The following SUSD1 variants were observed in gnomAD, a reference collection of about 807,000 sequenced individuals.
SUSD1 encodes sushi domain containing 1.
A neutral mutation model predicts 86.9 loss-of-function variants in SUSD1; 65 were observed. The ratio of observed to expected loss-of-function variants is 0.75; its 90% CI spans 0.61 to 0.92. The LOEUF (loss-of-function observed/expected upper bound fraction) is 0.92, where lower values mean the gene tolerates loss of function less well. Ranked by LOEUF, SUSD1 falls within the 40% of genes least tolerant of loss-of-function variation. SUSD1 has a pLI of 0.00. For missense variants in SUSD1, 850 were observed against 929.7 expected (o/e 0.91, Z 1.11); for synonymous variants, 346 against 350.0 (o/e 0.99, Z 0.13).
In SUSD1 at chr9:112,175,075, C is replaced by T. The variant is rs1326977410; in HGVS notation, c.103+58G>A. On this transcript the variant is annotated intron_variant, in intron 1 of 16. Coordinates refer to ENST00000374270, the MANE Select transcript of SUSD1 (RefSeq NM_022486.5). This position sits in a 1 kb window ranked among gnomAD's most constrained non-coding sequence, Gnocchi z 4.7. Reference sequence around the variant, plus strand: ...GGGAAGCGTCCGTGCGCCCAGAGTCCTCGAGGCCCAGCCGGGGGCCCCGCC... The same window carrying T: ...GGGAAGCGTCCGTGCGCCCAGAGTCTTCGAGGCCCAGCCGGGGGCCCCGCC... The T allele has an allele frequency of 1.0e-6, 1 of 998,850 alleles. No homozygotes were observed. Among genetic ancestry groups the T allele is most frequent in the Non-Finnish European group, 1.2e-6 (1 of 839,826 alleles). The allele number at this position is 998,850 out of a possible 1,614,324, so 61.9% of individuals were successfully genotyped here.
At chr9:112,149,643 C>T (rs1296997289) in intron 2 of SUSD1, among the ~76,000 whole-genome samples, 3 of 152,150 alleles carry the variant, frequency 2.0e-5, no homozygotes, top group South Asian at 2.1e-4. Context: ...TCTGGCAATC[C>T]GTCTGATTTG....
At position 112,111,690 on chromosome 9, in the gene SUSD1, G is replaced by T. The variant is rs778163116; in HGVS notation, c.1135C>A (p.Arg379Ser). 4 of 1,613,932 alleles carry T rather than the reference G, an allele frequency of 2.5e-6. No homozygotes were observed. Among genetic ancestry groups the T allele is most frequent in the African/African-American group, 1.3e-5 (1 of 74,906 alleles). ...TVNISTAPPR[R>S]SMPAVIGFQT... is the part of the protein sequence containing the mutation. ...AAACCGATGACGGCTGGCATCGAGC[G>T]CCTGGGAGGTGCTGTGGAGATGTTC... The change falls in exon 8 of 17, where the codon CGC becomes AGC. Residue 379 changes from arginine to serine, a missense_variant. Transcript: ENST00000374270.
intron 14 of SUSD1, among the ~76,000 whole-genome samples, chr9:112,054,145 A>C (rs1285760872): frequency 6.6e-6 from 1 of 152,248 alleles, no homozygotes; most frequent in Admixed American, 6.5e-5. Context: ...ATTTACTACA[A>C]AACTACAGTA....
intron 3 of SUSD1, among the ~76,000 whole-genome samples, chr9:112,148,157 G>T (rs577765805): frequency 6.6e-6 from 1 of 152,318 alleles, no homozygotes; most frequent in East Asian, 1.9e-4. Context: ...AAGCTTTCCA[G>T]CAGAGTCATT....
chr9:112,152,021 C>A (rs1350696757), intron 2 of SUSD1, among the ~76,000 whole-genome samples: 1 of 140,920 alleles, frequency 7.1e-6, no homozygotes, highest in Admixed American at 7.0e-5. Flanking sequence ...GCAACAAGAG[C>A]AAAACTCCAT....
At chr9:112,171,920 G>C (rs1834062033) in intron 1 of SUSD1, among the ~76,000 whole-genome samples, 1 of 152,142 alleles carries the variant, frequency 6.6e-6, no homozygotes, top group African/African-American at 2.4e-5. Context: ...CCGAGGCCAG[G>C]AGCAGTGGCT....
chr9:112,098,421 C>T (rs1830487550), intron 10 of SUSD1, 49 bp downstream of exon 10: 2 of 1,585,232 alleles, frequency 1.3e-6, no homozygotes, highest in Non-Finnish European at 1.7e-6. Flanking sequence ...GCTCAATTCA[C>T]ATAGGTAATT....
At chr9:112,119,039 C>T (rs1379283315) in intron 6 of SUSD1, among the ~76,000 whole-genome samples, 1 of 152,150 alleles carries the variant, frequency 6.6e-6, no homozygotes, top group Non-Finnish European at 1.5e-5. Context: ...TCTTTCTGGG[C>T]TTACAGGCCT....
At chr9:112,057,160 A>G (rs1329202478) in intron 14 of SUSD1, among the ~76,000 whole-genome samples, 2 of 152,178 alleles carry the variant, frequency 1.3e-5, no homozygotes, top group East Asian at 1.9e-4. Context: ...ACGTGAGGAC[A>G]CTGTAAGAAG....
chr9:112,073,479 CTT>C (rs910560818), intron 12 of SUSD1, among the ~76,000 whole-genome samples: 8 of 151,940 alleles, frequency 5.3e-5, no homozygotes, highest in Non-Finnish European at 1.0e-4. Context: ...CTCTCTCTCT[CTT>C]TCTCTCTCTT....
intron 15 of SUSD1, among the ~76,000 whole-genome samples, chr9:112,045,516 G>A (rs1211509592): frequency 3.9e-5 from 6 of 152,146 alleles, no homozygotes; most frequent in Non-Finnish European, 5.9e-5. Flanking sequence ...GTTATTATGC[G>A]TGCCATATTT....
chr9:112,062,884 A>G, intron 13 of SUSD1, 53 bp downstream of exon 13: 2 of 1,287,124 alleles, frequency 1.6e-6, no homozygotes, highest in Non-Finnish European at 2.2e-6. Flanking sequence ...CAAAGTTTCC[A>G]AAACACTCCA....
At chr9:112,136,593 A>C (rs1832276318) in intron 5 of SUSD1, among the ~76,000 whole-genome samples, 1 of 152,162 alleles carries the variant, frequency 6.6e-6, no homozygotes, top group African/African-American at 2.4e-5. Context: ...TGGCAGACAC[A>C]AGGTAAATGT....
intron 10 of SUSD1, among the ~76,000 whole-genome samples, chr9:112,089,963 G>A (rs1368020776): frequency 6.6e-6 from 1 of 152,100 alleles, no homozygotes; most frequent in East Asian, 1.9e-4. Flanking sequence ...ATTCAACTCT[G>A]CCTTTGTTCC....
At chr9:112,130,629 G>C (rs1470644104) in intron 5 of SUSD1, among the ~76,000 whole-genome samples, 1 of 150,822 alleles carries the variant, frequency 6.6e-6, no homozygotes, top group African/African-American at 2.4e-5. Context: ...GGAAAGGAAA[G>C]GAAAAGGAAG....
At chr9:112,105,276 A>G (rs1349832661) in intron 8 of SUSD1, among the ~76,000 whole-genome samples, 1 of 152,186 alleles carries the variant, frequency 6.6e-6, no homozygotes, top group Non-Finnish European at 1.5e-5. Flanking sequence ...AAAAGGAGAA[A>G]ATGGGAAACC....
chr9:112,084,126 T>C (rs1829877175), intron 10 of SUSD1, among the ~76,000 whole-genome samples: 1 of 152,066 alleles, frequency 6.6e-6, no homozygotes, highest in African/African-American at 2.4e-5. Flanking sequence ...TAGGATTTCA[T>C]AGATACCAAA....
At chr9:112,095,330 G>T (rs1244869139) in intron 10 of SUSD1, among the ~76,000 whole-genome samples, 4 of 152,244 alleles carry the variant, frequency 2.6e-5, no homozygotes, top group African/African-American at 7.2e-5. Flanking sequence ...GAAGGGTAAA[G>T]GCTTAGAGCT....
intron 10 of SUSD1, among the ~76,000 whole-genome samples, chr9:112,089,658 A>G (rs1830120320): frequency 6.6e-6 from 1 of 152,082 alleles, no homozygotes; most frequent in Non-Finnish European, 1.5e-5. Context: ...CTAAAAATAC[A>G]AAAATTAGCT....
Sources: gnomAD v4.1 joint callset for allele counts (sites outside exome capture counted in the v4.1 genomes callset) on GRCh38, gnomAD v4.1.1 for gene constraint, Gnocchi (gnomAD v3.1) non-coding constraint, MANE v1.5 for transcripts, NCBI Gene and HGNC (gene_info 2026-07-23, HGNC 2026-07-21) for gene names.